The following METTL24 variants were observed in gnomAD, a reference collection of about 807,000 sequenced individuals.
METTL24 encodes probable methyltransferase-like protein 24.
In METTL24, 29 loss-of-function variants were observed where a neutral mutation model predicts 32.7. The observed-to-expected ratio is 0.89, with a 90% confidence interval of 0.66 to 1.21. The LOEUF (loss-of-function observed/expected upper bound fraction) is 1.21. METTL24 is among the 50% of genes most tolerant of loss of function. The pLI is 0.00. For missense variants in METTL24, 439 were observed against 468.1 expected, an observed-to-expected ratio of 0.94 and a Z score of 0.57; for synonymous variants, 163 against 179.5, an observed-to-expected ratio of 0.91 and a Z score of 0.73.
At chr6:110,247,600 A>G (rs1278727229) in intron 4 of METTL24, among the ~76,000 whole-genome samples, 1 of 152,232 alleles carries the variant, frequency 6.6e-6, no homozygotes, top group East Asian at 1.9e-4. Context: ...AACTGGAATA[A>G]CGAGGCTGGA....
intron 4 of METTL24, among the ~76,000 whole-genome samples, chr6:110,272,503 T>C (rs2114709968): frequency 6.6e-6 from 1 of 152,352 alleles, no homozygotes; most frequent in South Asian, 2.1e-4. Flanking sequence ...GATTGCTGGA[T>C]TGAATGGTAT....
intron 1 of METTL24, among the ~76,000 whole-genome samples, chr6:110,342,920 G>A (rs540545599): frequency 6.6e-6 from 1 of 152,262 alleles, no homozygotes; most frequent in East Asian, 1.9e-4. Context: ...TCCCCTGTAT[G>A]GGTATACCAC....
chr6:110,337,936 G>GT (rs1772271195), intron 1 of METTL24, among the ~76,000 whole-genome samples: 1 of 152,140 alleles, frequency 6.6e-6, no homozygotes, highest in Non-Finnish European at 1.5e-5. Flanking sequence ...TGTCAATCTT[G>GT]TTTCTCTAAC....
intron 4 of METTL24, among the ~76,000 whole-genome samples, chr6:110,294,918 G>A (rs1164243426): frequency 2.6e-5 from 4 of 151,514 alleles, no homozygotes; most frequent in Non-Finnish European, 5.9e-5. Flanking sequence ...TACAATACAG[G>A]GCAGTATCAA....
intron 4 of METTL24, among the ~76,000 whole-genome samples, chr6:110,266,071 T>C (rs1210848219): frequency 6.6e-6 from 1 of 152,044 alleles, no homozygotes; most frequent in Non-Finnish European, 1.5e-5. Flanking sequence ...AGGCTCTTTT[T>C]AAAACAATTT....
At chr6:110,343,994 T>TA (rs1772415396) in intron 1 of METTL24, among the ~76,000 whole-genome samples, 1 of 152,144 alleles carries the variant, frequency 6.6e-6, no homozygotes. Flanking sequence ...GTACTGAACT[T>TA]ATAGTACATG....
At chr6:110,254,149 C>T in intron 4 of METTL24, 1 of 410,484 alleles carries the variant, frequency 2.4e-6, no homozygotes, top group Non-Finnish European at 4.2e-6. Context: ...CTTCTGGTGG[C>T]CATATAGATA....
chr6:110,320,168 G>A (rs1245416004), intron 2 of METTL24, among the ~76,000 whole-genome samples: 1 of 152,190 alleles, frequency 6.6e-6, no homozygotes, highest in Non-Finnish European at 1.5e-5. Context: ...TTTGAGGGAA[G>A]TATATTTCTT....
At chr6:110,338,885 T>C (rs992828571) in intron 1 of METTL24, among the ~76,000 whole-genome samples, 2 of 152,234 alleles carry the variant, frequency 1.3e-5, no homozygotes, top group African/African-American at 2.4e-5. Context: ...TATTTGTTAC[T>C]GCAAATTTTA....
At chr6:110,319,545 T>C (rs776871330) in intron 2 of METTL24, among the ~76,000 whole-genome samples, 1 of 152,176 alleles carries the variant, frequency 6.6e-6, no homozygotes, top group East Asian at 1.9e-4. Flanking sequence ...AATTTTATAC[T>C]GCAAGGCATG....
chr6:110,324,391 G>A (rs1271979497), intron 1 of METTL24, among the ~76,000 whole-genome samples: 1 of 152,148 alleles, frequency 6.6e-6, no homozygotes, highest in East Asian at 1.9e-4. Context: ...CATAGGGCAG[G>A]GCCAGCTGTA....
At chr6:110,265,971 G>T (rs1038527717) in intron 4 of METTL24, among the ~76,000 whole-genome samples, 1 of 151,614 alleles carries the variant, frequency 6.6e-6, no homozygotes, top group African/African-American at 2.4e-5. Context: ...TACAGTCACA[G>T]CTCACTGCAA....
rs1381269670 is a variant in METTL24 at position 110,244,494 on chromosome 6, T to C, written c.*1452A>G. 1.3e-5 allele frequency among the ~76,000 whole-genome samples: 2 copies of C among 152,182 alleles called. No individual in the cohort carries two copies. Among genetic ancestry groups the C allele is most frequent in the African/African-American group, 4.8e-5 (2 of 41,438 alleles). On this transcript the variant is annotated 3_prime_UTR_variant, in exon 5 of 5. Coordinates refer to ENST00000338882, the MANE Select transcript of METTL24 (RefSeq NM_001123364.3). Reference sequence around the variant, plus strand: ...CCATTCTCACACTGCTATGAAGATATACCTGAGACTGAGTAATTTATAGAG... The same window carrying C: ...CCATTCTCACACTGCTATGAAGATACACCTGAGACTGAGTAATTTATAGAG...
chr6:110,321,279 G>A (rs1270597979), intron 2 of METTL24, among the ~76,000 whole-genome samples: 1 of 152,096 alleles, frequency 6.6e-6, no homozygotes, highest in Non-Finnish European at 1.5e-5. Flanking sequence ...TCTCCTCTCA[G>A]CCCATAGTTT....
At chr6:110,298,376 C>CT (rs1160730722) in intron 4 of METTL24, among the ~76,000 whole-genome samples, 5 of 152,124 alleles carry the variant, frequency 3.3e-5, no homozygotes, top group Admixed American at 6.5e-5. Flanking sequence ...ATTTGACATC[C>CT]TTTGGTATAA....
At chr6:110,277,450 GC>G in intron 4 of METTL24, among the ~76,000 whole-genome samples, 1 of 152,280 alleles carries the variant, frequency 6.6e-6, no homozygotes, top group South Asian at 2.1e-4. Flanking sequence ...CATTTTAGGA[GC>G]CTGAAGAATG....
At chr6:110,336,928 C>T (rs9487386) in intron 1 of METTL24, among the ~76,000 whole-genome samples, 2,392 of 152,004 alleles carry the variant, frequency 0.016, 63 homozygotes, top group African/African-American at 0.054. Context: ...TGGGTATGTA[C>T]CCAGAGGAAT....
intron 4 of METTL24, among the ~76,000 whole-genome samples, chr6:110,284,354 T>C (rs563761417): frequency 3.3e-4 from 50 of 152,332 alleles, no homozygotes; most frequent in Admixed American, 1.3e-4. Flanking sequence ...ATAAATTTTA[T>C]GGTAAGTGTA....
intron 4 of METTL24, among the ~76,000 whole-genome samples, chr6:110,247,921 C>T (rs1232497384): frequency 6.6e-6 from 1 of 152,092 alleles, no homozygotes; most frequent in East Asian, 1.9e-4. Context: ...ATATGATACT[C>T]AATGTTGGAA....
Sources: allele counts gnomAD v4.1 joint callset (sites outside exome capture counted in the v4.1 genomes callset), GRCh38; gene constraint gnomAD v4.1.1; transcripts MANE v1.5; gene names NCBI Gene and HGNC (gene_info 2026-07-23, HGNC 2026-07-21).